FANK1: variants seen among roughly 807,000 people sequenced by gnomAD.
FANK1 encodes fibronectin type 3 and ankyrin repeat domains protein 1.
Under a neutral mutation model 45.3 loss-of-function variants are expected in FANK1, and 44 were observed. That is an observed-to-expected ratio of 0.97 (90% CI 0.76 to 1.25). The LOEUF is 1.25. FANK1 is among the 50% of genes most tolerant of loss of function. FANK1 has a pLI of 0.00. For synonymous variants in FANK1, 149 were observed against 152.5 expected (o/e 0.98, Z 0.17); for missense variants, 391 against 424.4 (o/e 0.92, Z 0.69).
chr10:125,994,383 T>C (rs1357039252), intron 3 of FANK1: 1 of 985,378 alleles, frequency 1.0e-6, no homozygotes, highest in Non-Finnish European at 1.2e-6. Flanking sequence ...CTTAGGTTTG[T>C]TGAATGAATA....
chr10:125,900,826 T>G (rs1265221735), intron 1 of FANK1, among the ~76,000 whole-genome samples: 6 of 152,158 alleles, frequency 3.9e-5, no homozygotes, highest in Non-Finnish European at 1.5e-5. Context: ...TAATTTTGTA[T>G]TTTTATAGAG....
intron 1 of FANK1, among the ~76,000 whole-genome samples, chr10:125,942,178 A>G (rs1948492978): frequency 6.6e-6 from 1 of 152,242 alleles, no homozygotes; most frequent in African/African-American, 2.4e-5. Flanking sequence ...ATAAAATGCT[A>G]GGAGTAAATT....
At chr10:125,903,888 C>T (rs1372106806) in intron 1 of FANK1, among the ~76,000 whole-genome samples, 3 of 151,942 alleles carry the variant, frequency 2.0e-5, no homozygotes, top group East Asian at 1.9e-4. Flanking sequence ...TCACTCTTGT[C>T]GCCCAGGCTG....
chr10:125,927,130 CAG>C (rs1487008873), intron 1 of FANK1, among the ~76,000 whole-genome samples: 3 of 152,102 alleles, frequency 2.0e-5, no homozygotes, highest in East Asian at 1.9e-4. Flanking sequence ...TCTTTTGAGA[CAG>C]AGTCTTGCTC....
intron 1 of FANK1, among the ~76,000 whole-genome samples, chr10:125,959,711 A>G (rs756343944): frequency 1.1e-4 from 17 of 152,208 alleles, no homozygotes; most frequent in Non-Finnish European, 1.8e-4. Flanking sequence ...TCATTTAGAA[A>G]TTGTAAATTC....
chr10:125,966,663 T>A (rs1386941579), intron 1 of FANK1, among the ~76,000 whole-genome samples: 1 of 152,140 alleles, frequency 6.6e-6, no homozygotes, highest in Non-Finnish European at 1.5e-5. Flanking sequence ...TGAGCCAGAG[T>A]GTAATTGAAG....
rs1221963717 is a variant in FANK1, at chr10:125,918,586, ATAT to A, written c.13+21932_13+21934del. Among the ~76,000 whole-genome samples the A allele has an allele frequency of 1.6e-3, 91 of 57,394 alleles. 1 individual carries two copies. The highest frequency in any genetic ancestry group is 6.0e-3 in the African/African-American group (60 of 9,990). 37.7% of individuals were successfully genotyped at this position (57,394 alleles called of 152,430 possible). A position where few individuals can be genotyped will look rare whatever the true frequency, so the allele number is the denominator to read the frequency against. ...AAAAAAAAAAAAAAAAAAAAAAAAA[ATAT>A]ATATATATATATATATATAGTTATA... On this transcript the variant is annotated intron_variant, in intron 1 of 10. Coordinates refer to ENST00000368693, the MANE Select transcript of FANK1 (RefSeq NM_145235.5).
At chr10:125,914,280 C>CATATATATAT (rs572373307) in intron 1 of FANK1, among the ~76,000 whole-genome samples, 16 of 140,326 alleles carry the variant, frequency 1.1e-4, no homozygotes, top group African/African-American at 4.0e-4. Flanking sequence ...CTTTGTATGC[C>CATATATATAT]ATATATATAT....
chr10:125,906,999 G>A (rs1945580131), intron 1 of FANK1, among the ~76,000 whole-genome samples: 1 of 152,170 alleles, frequency 6.6e-6, no homozygotes, highest in Non-Finnish European at 1.5e-5. Flanking sequence ...CTGAGCATTA[G>A]GTTTGTCCTC....
At chr10:126,008,102 A>G (rs2133357984) in intron 7 of FANK1, among the ~76,000 whole-genome samples, 1 of 152,358 alleles carries the variant, frequency 6.6e-6, no homozygotes, top group South Asian at 2.1e-4. Context: ...AATGAATGCT[A>G]GGTGAGGAAA....
chr10:125,951,961 G>C (rs1434729032), intron 1 of FANK1, among the ~76,000 whole-genome samples: 1 of 152,118 alleles, frequency 6.6e-6, no homozygotes, highest in Non-Finnish European at 1.5e-5. Context: ...ATACATGTGG[G>C]CGTTTTTCAC....
intron 3 of FANK1, among the ~76,000 whole-genome samples, chr10:125,991,931 C>A (rs1951972949): frequency 6.6e-6 from 1 of 152,210 alleles, no homozygotes; most frequent in Non-Finnish European, 1.5e-5. Context: ...CTGCCCTTCT[C>A]CTCGGTGCCC....
At chr10:125,904,767 T>G (rs1013917219) in intron 1 of FANK1, among the ~76,000 whole-genome samples, 2 of 152,156 alleles carry the variant, frequency 1.3e-5, no homozygotes, top group African/African-American at 4.8e-5. Flanking sequence ...TAGACTACTT[T>G]TGGTATCAAG....
At position 126,009,068 on chromosome 10, in the gene FANK1, T is replaced by G; in HGVS notation, c.864T>G (p.Asn288Lys). 1 of 1,614,028 alleles carries G rather than the reference T, an allele frequency of 6.2e-7. No individual in the cohort carries two copies. The highest frequency in any genetic ancestry group is 2.2e-5 in the East Asian group (1 of 44,894). Residue 288 changes from asparagine to lysine, a missense_variant, in exon 9 of 11, where the codon AAT becomes AAG. Physicochemically the swap from Asn to Lys is moderately conservative, Grantham distance 94. Transcript: ENST00000368693. The part of the protein sequence containing the change: ...GKTPLMVAVL[N>K]NHEELVQLLL... ...TTGTTTTCTAGGTGGCTGTGTTAAA[T>G]AATCATGAAGAGTTAGTTCAGTTAC...
At position 125,980,321 on chromosome 10, in the gene FANK1, T is replaced by G. The variant is rs1951119385; in HGVS notation, c.174T>G (p.Thr58=). 6.2e-7 allele frequency: 1 copy of G among 1,613,950 alleles called. No individual in the cohort carries two copies. The highest frequency in any genetic ancestry group is 8.5e-7 in the Non-Finnish European group (1 of 1,179,984). Residue 58 remains threonine (T), a synonymous_variant, in exon 2 of 11, where the codon ACT becomes ACG. Transcript: ENST00000368693. ...SIEEEDPKMH[T]YGIIYTGYAT... The stretch of plus-strand genomic sequence containing the variant: ...AAGAAGAAGACCCCAAAATGCACAC[T>G]TATGGTATCATTTATACGTAGGTGC...
chr10:125,929,792 A>G (rs1252436288), intron 1 of FANK1, among the ~76,000 whole-genome samples: 1 of 152,234 alleles, frequency 6.6e-6, no homozygotes, highest in Non-Finnish European at 1.5e-5. Context: ...AGCTCTGAGC[A>G]TAGGGGCTCA....
chr10:125,905,847 C>T (rs1945461161), intron 1 of FANK1, among the ~76,000 whole-genome samples: 1 of 152,310 alleles, frequency 6.6e-6, no homozygotes, highest in Non-Finnish European at 1.5e-5. Context: ...CACTTGAGGC[C>T]AGGAGTTCAA....
intron 3 of FANK1, among the ~76,000 whole-genome samples, chr10:125,993,205 A>T (rs984355435): frequency 3.9e-5 from 6 of 152,184 alleles, no homozygotes; most frequent in African/African-American, 1.4e-4. Flanking sequence ...TGAGCTTTAT[A>T]TGTTGTTATA....
chr10:125,905,398 G>A, intron 1 of FANK1, among the ~76,000 whole-genome samples: 1 of 152,308 alleles, frequency 6.6e-6, no homozygotes, highest in Non-Finnish European at 1.5e-5. Context: ...AATTGTTTTT[G>A]TGGGAAAGTT....
Sources: gnomAD v4.1 joint callset for allele counts (sites outside exome capture counted in the v4.1 genomes callset) on GRCh38, gnomAD v4.1.1 for gene constraint, MANE v1.5 for transcripts, NCBI Gene and HGNC (gene_info 2026-07-23, HGNC 2026-07-21) for gene names.